The following PRR14L variants were observed in gnomAD, a reference collection of about 807,000 sequenced individuals.
The protein encoded by PRR14L is protein PRR14L.
In PRR14L, 80 loss-of-function variants were observed where a neutral mutation model predicts 155.0. That is an observed-to-expected ratio of 0.52 (90% CI 0.43 to 0.62). The LOEUF (loss-of-function observed/expected upper bound fraction) is 0.62, where lower values mean the gene tolerates loss of function less well. Among genes scored for constraint, PRR14L ranks in the 20% least tolerant of loss-of-function variants. The pLI is 0.00. For missense variants in PRR14L, 2,469 were observed against 2,548.0 expected (o/e 0.97, Z 0.67); for synonymous variants, 883 against 916.0 (o/e 0.96, Z 0.65).
At chr22:31,696,599 A>ATCT (rs1006545629) in intron 7 of PRR14L, among the ~76,000 whole-genome samples, 17 of 152,178 alleles carry the variant, frequency 1.1e-4, no homozygotes, top group African/African-American at 3.9e-4. Context: ...AAAGTGATAC[A>ATCT]TCTAAGAAGT....
Position 31,728,751 on chromosome 22 carries a change from G to T in PRR14L, c.475-3141C>A, listed in dbSNP as rs569825809. 6.7e-5 allele frequency among the ~76,000 whole-genome samples: 10 copies of T among 148,292 alleles called. No homozygotes were observed. In the East Asian group the frequency reaches 1.8e-3, roughly 26 times the overall value. On this transcript the variant is annotated intron_variant, in intron 2 of 8. Coordinates refer to ENST00000327423, the MANE Select transcript of PRR14L (RefSeq NM_173566.3). ...AAAAAAAAAATTCTGAACTTTTTCT[G>T]TGTCTGAGTTGAATACAACCAATGT...
intron 3 of PRR14L, among the ~76,000 whole-genome samples, chr22:31,724,598 A>C (rs1313472735): frequency 6.6e-6 from 1 of 152,158 alleles, no homozygotes; most frequent in Non-Finnish European, 1.5e-5. Flanking sequence ...GGGTTTCGCC[A>C]CATTGCCCAG....
intron 7 of PRR14L, among the ~76,000 whole-genome samples, chr22:31,701,131 G>C (rs1204143482): frequency 6.6e-6 from 1 of 151,924 alleles, no homozygotes; most frequent in African/African-American, 2.4e-5. Context: ...TGGGATTATA[G>C]GCATGCGCCA....
chr22:31,712,228 C>G lies in PRR14L; in HGVS notation c.5611G>C (p.Asp1871His). 6.2e-7 allele frequency: 1 copy of G among 1,614,176 alleles called. No homozygotes were observed. The highest frequency in any genetic ancestry group is 8.5e-7 in the Non-Finnish European group (1 of 1,180,038). Residue 1871 changes from aspartate to histidine, a missense_variant, in exon 4 of 9, where the codon GAC becomes CAC. By Grantham distance (81) the Asp-to-His change is moderately conservative. Transcript: ENST00000327423. ...TAGGGCAGAGAACAGAAGACCTTGT[C>G]TGCTATGGAGGCTGGAGACCGTAAC... is the stretch of plus-strand genomic sequence containing the variant. Reference protein sequence around the residue: ...KGLRSPASIADKVFCSLPYSV... With the variant: ...KGLRSPASIAHKVFCSLPYSV...
At chr22:31,726,645 G>A (rs1468590428) in intron 2 of PRR14L, among the ~76,000 whole-genome samples, 1 of 152,156 alleles carries the variant, frequency 6.6e-6, no homozygotes, top group South Asian at 2.1e-4. Context: ...TTCTCAGGCT[G>A]AATGTTTGAG....
chr22:31,719,008 A>G (rs2074675793), intron 3 of PRR14L, among the ~76,000 whole-genome samples: 1 of 151,682 alleles, frequency 6.6e-6, no homozygotes. Flanking sequence ...CAGGAGGCGG[A>G]GGTTGCAGTG....
At position 31,684,665 on chromosome 22, in the gene PRR14L, T is replaced by C. The variant is rs1276337090; in HGVS notation, c.*862A>G. The C allele has an allele frequency of 1.3e-5, 2 of 152,144 alleles. No homozygotes were observed. Among genetic ancestry groups the C allele is most frequent in the South Asian group, 2.1e-4 (1 of 4,826 alleles). The allele number at this position is 152,144 out of a possible 1,614,324, so 9.4% of individuals were successfully genotyped here. A position where few individuals can be genotyped will look rare whatever the true frequency, so the allele number is the denominator to read the frequency against. On this transcript the variant is annotated 3_prime_UTR_variant, in exon 9 of 9. Transcript: ENST00000327423. ...TGGGGAAGGGATTGCCTGAAACACATGAATAGGAAAAATGTCTCTTCCATG... is the reference window on the plus strand; with the variant it reads ...TGGGGAAGGGATTGCCTGAAACACACGAATAGGAAAAATGTCTCTTCCATG...
At chr22:31,717,639 G>A (rs2074667470) in intron 3 of PRR14L, among the ~76,000 whole-genome samples, 1 of 152,016 alleles carries the variant, frequency 6.6e-6, no homozygotes, top group Non-Finnish European at 1.5e-5. Flanking sequence ...CATTAATAAA[G>A]CAGACTCACA....
intron 7 of PRR14L, among the ~76,000 whole-genome samples, chr22:31,696,478 G>T (rs929953586): frequency 2.5e-4 from 38 of 152,016 alleles, no homozygotes; most frequent in Non-Finnish European, 4.1e-4. Context: ...TCACCATGTT[G>T]CCCGGGCTAC....
Position 31,712,930 on chromosome 22 carries a change from A to G in PRR14L, c.4909T>C (p.Tyr1637His). Residue 1637 changes from tyrosine to histidine, a missense_variant, in exon 4 of 9, where the codon TAC becomes CAC. Coordinates refer to ENST00000327423, the MANE Select transcript of PRR14L (RefSeq NM_173566.3). ...AGAAGTTCAGAGGAACACCGTCGGT[A>G]TCTTAGCTTCTGAGTCTTCATGGCT... ...APAMKTQKLR[Y>H]RRCSSELLPM... 3.2e-6 allele frequency: 5 copies of G among 1,551,806 alleles called. No homozygotes were observed. The highest frequency in any genetic ancestry group is 4.4e-6 in the Non-Finnish European group (5 of 1,146,998).
intron 1 of PRR14L, among the ~76,000 whole-genome samples, chr22:31,746,042 G>A (rs1295437131): frequency 6.6e-6 from 1 of 151,520 alleles, no homozygotes; most frequent in Non-Finnish European, 1.5e-5. Flanking sequence ...CAATCCTCCT[G>A]CCTCAGCCTC....
rs571380014 is a variant in PRR14L, at chr22:31,713,746, C to T, written c.4093G>A (p.Asp1365Asn). The T allele has an allele frequency of 1.7e-4, 266 of 1,552,368 alleles. No homozygotes were observed. The highest frequency in any genetic ancestry group is 2.1e-4 in the Non-Finnish European group (246 of 1,147,142). The change falls in exon 4 of 9, where the codon GAT becomes AAT. Residue 1365 changes from aspartate to asparagine, a missense_variant. Coordinates refer to ENST00000327423, the MANE Select transcript of PRR14L (RefSeq NM_173566.3). ...SEELVTRETG[D>N]GDPVSNISQT... The stretch of plus-strand genomic sequence containing the variant: ...GAGATGTTGCTCACGGGATCGCCAT[C>T]GCCAGTTTCTCTGGTAACCAACTCC...
intron 2 of PRR14L, 46 bp from the exon 3 acceptor site, chr22:31,725,656 G>C (rs933601502): frequency 9.3e-7 from 1 of 1,073,498 alleles, no homozygotes; most frequent in Non-Finnish European, 1.4e-6. Flanking sequence ...AGAAGATTCT[G>C]AGTTAATGAA....
At chr22:31,696,700 C>G (rs1019928519) in intron 7 of PRR14L, among the ~76,000 whole-genome samples, 1 of 152,208 alleles carries the variant, frequency 6.6e-6, no homozygotes, top group Non-Finnish European at 1.5e-5. Context: ...ATACATCAAT[C>G]AAAACACTCA....
At chr22:31,743,353 C>CA (rs2074822452) in intron 1 of PRR14L, among the ~76,000 whole-genome samples, 1 of 152,040 alleles carries the variant, frequency 6.6e-6, no homozygotes, top group South Asian at 2.1e-4. Flanking sequence ...CTGAGGGACA[C>CA]AGAGTTTCTT....
intron 3 of PRR14L, among the ~76,000 whole-genome samples, chr22:31,720,915 CAAT>C (rs934117147): frequency 1.1e-4 from 16 of 152,156 alleles, no homozygotes; most frequent in Non-Finnish European, 1.9e-4. Flanking sequence ...TTAAGTCTCA[CAAT>C]AATGAGTAGG....
chr22:31,747,704 A>ACGG (rs1467214085), intron 1 of PRR14L, among the ~76,000 whole-genome samples: 1 of 151,586 alleles, frequency 6.6e-6, no homozygotes, highest in Non-Finnish European at 1.5e-5. Flanking sequence ...CAATTACTCA[A>ACGG]CGGCGTTTGA....
intron 7 of PRR14L, among the ~76,000 whole-genome samples, chr22:31,694,061 G>C (rs2074523373): frequency 6.6e-6 from 1 of 152,144 alleles, no homozygotes; most frequent in African/African-American, 2.4e-5. Context: ...CAAATCATTT[G>C]AGTCCAGGAG....
chr22:31,744,527 C>T (rs1267674201), intron 1 of PRR14L, among the ~76,000 whole-genome samples: 1 of 152,152 alleles, frequency 6.6e-6, no homozygotes, highest in Non-Finnish European at 1.5e-5. Flanking sequence ...CCACCTCAGC[C>T]TCCCAAAAGT....
Sources: gnomAD v4.1 joint callset for allele counts (sites outside exome capture counted in the v4.1 genomes callset) on GRCh38, gnomAD v4.1.1 for gene constraint, MANE v1.5 for transcripts, NCBI Gene and HGNC (gene_info 2026-07-23, HGNC 2026-07-21) for gene names.